The following EPM2A variants were observed in gnomAD, a reference collection of about 807,000 sequenced individuals.
EPM2A encodes the protein EPM2A glucan phosphatase, laforin.
EPM2A carries 21 observed loss-of-function variants against 26.5 expected under a neutral mutation model. The ratio of observed to expected loss-of-function variants is 0.79; its 90% CI spans 0.56 to 1.14. EPM2A has a LOEUF of 1.14. Among genes scored for constraint, EPM2A ranks in the 50% most tolerant of loss-of-function variants. The probability of loss-of-function intolerance (pLI) is 0.00; values close to 1 mark genes in which losing one functional copy is unlikely to be tolerated. For synonymous variants in EPM2A, 217 were observed against 177.6 expected, an observed-to-expected ratio of 1.22 and a Z score of -1.76; for missense variants, 458 against 440.8, an observed-to-expected ratio of 1.04 and a Z score of -0.35.
rs1441185839 is a variant in EPM2A at position 145,664,349 on chromosome 6, C to A, written c.476+21773G>T. Among the ~76,000 whole-genome samples, 3 of 115,984 alleles carry A rather than the reference C, an allele frequency of 2.6e-5. No individual in the cohort carries two copies. The East Asian group carries it at 8.2e-4, about 32-fold the overall frequency. The allele number at this position is 115,984 out of a possible 152,430, so 76.1% of individuals were successfully genotyped here. On this transcript the variant is annotated intron_variant, in intron 2 of 3. Coordinates refer to ENST00000367519, the MANE Select transcript of EPM2A (RefSeq NM_005670.4). Reference sequence around the variant, plus strand: ...CAAGCAAATGGAAAACTAAAAAAGGCAGGGGTTGCAATCCTAGTCTCTGAT... The same window carrying A: ...CAAGCAAATGGAAAACTAAAAAAGGAAGGGGTTGCAATCCTAGTCTCTGAT...
Position 145,625,556 on chromosome 6 carries a change from T to C in EPM2A, c.*1860A>G. The C allele has an allele frequency of 1.6e-6, 1 of 627,762 alleles. No individual in the cohort carries two copies. Among genetic ancestry groups the C allele is most frequent in the Non-Finnish European group, 2.9e-6 (1 of 345,112 alleles). The allele number at this position is 627,762 out of a possible 1,614,324, so 38.9% of individuals were successfully genotyped here. On this transcript the variant is annotated 3_prime_UTR_variant, in exon 4 of 4. Transcript: ENST00000367519. ...AGACCCACATAGTTTAAAAATTTAA[T>C]TTTTAAGATTAAATTTTCACAACAC...
intron 2 of EPM2A, among the ~76,000 whole-genome samples, chr6:145,588,710 A>G (rs1781230691): frequency 6.6e-6 from 1 of 152,340 alleles, no homozygotes; most frequent in Non-Finnish European, 1.5e-5. Flanking sequence ...ACAGTGCAAG[A>G]CGTTGAAGAG....
intron 4 of EPM2A, among the ~76,000 whole-genome samples, chr6:145,397,111 T>G (rs1562319582): frequency 6.6e-6 from 1 of 152,174 alleles, no homozygotes; most frequent in African/African-American, 2.4e-5. Context: ...TTCACTCCCG[T>G]GAGAAAACAT....
At chr6:145,431,273 T>C (rs147651672) in intron 4 of EPM2A, among the ~76,000 whole-genome samples, 1 of 152,316 alleles carries the variant, frequency 6.6e-6, no homozygotes, top group Non-Finnish European at 1.5e-5. Flanking sequence ...GTTATTATAA[T>C]ATTAAGAGTT....
chr6:145,458,252 T>C (rs1300786300), intron 4 of EPM2A, among the ~76,000 whole-genome samples: 2 of 152,328 alleles, frequency 1.3e-5, no homozygotes, highest in East Asian at 1.9e-4. Flanking sequence ...CATGCAATGA[T>C]AAATGTTCCA....
intron 2 of EPM2A, among the ~76,000 whole-genome samples, chr6:145,576,718 A>T (rs1781036736): frequency 1.3e-5 from 2 of 152,226 alleles, no homozygotes; most frequent in South Asian, 4.1e-4. Context: ...ACTCACTGGT[A>T]AAAGTAAGTA....
intron 2 of EPM2A, among the ~76,000 whole-genome samples, chr6:145,615,665 A>C (rs1290039457): frequency 6.6e-6 from 1 of 152,032 alleles, no homozygotes; most frequent in East Asian, 1.9e-4. Context: ...TTTGACCAAA[A>C]TGCTGATAGT....
intron 2 of EPM2A, among the ~76,000 whole-genome samples, chr6:145,667,769 G>A (rs1392590773): frequency 1.5e-5 from 2 of 132,724 alleles, no homozygotes; most frequent in African/African-American, 6.3e-5. Context: ...CAACCCAAAT[G>A]TCCAACAATG....
chr6:145,396,581 T>G (rs376824603), intron 4 of EPM2A, among the ~76,000 whole-genome samples: 10 of 83,812 alleles, frequency 1.2e-4, no homozygotes, highest in Non-Finnish European at 2.9e-4. Context: ...AATGTCTGCC[T>G]TCAGGTACAT....
chr6:145,457,056 G>C (rs1226191431), intron 4 of EPM2A, among the ~76,000 whole-genome samples: 1 of 152,150 alleles, frequency 6.6e-6, no homozygotes, highest in Non-Finnish European at 1.5e-5. Flanking sequence ...AGGTTTATGA[G>C]TTTAACATAT....
intron 2 of EPM2A, among the ~76,000 whole-genome samples, chr6:145,555,894 C>T (rs1293367039): frequency 3.3e-5 from 5 of 152,118 alleles, no homozygotes; most frequent in African/African-American, 1.2e-4. Context: ...CTGATGTAAA[C>T]AACTCAAACT....
chr6:145,444,775 G>A (rs1779109854), intron 4 of EPM2A, among the ~76,000 whole-genome samples: 1 of 151,980 alleles, frequency 6.6e-6, no homozygotes, highest in African/African-American at 2.4e-5. Context: ...GTTTAGAATT[G>A]GACATTTTGA....
At chr6:145,431,465 A>C (rs915893848) in intron 4 of EPM2A, among the ~76,000 whole-genome samples, 2 of 152,260 alleles carry the variant, frequency 1.3e-5, no homozygotes, top group African/African-American at 4.8e-5. Flanking sequence ...ATTGCAATAA[A>C]GTGAGCCACA....
chr6:145,696,267 G>A (rs549086477), intron 1 of EPM2A, among the ~76,000 whole-genome samples: 12 of 152,056 alleles, frequency 7.9e-5, no homozygotes, highest in Non-Finnish European at 1.6e-4. Context: ...ATGAGACACA[G>A]CAAAGGCAAT....
Position 145,679,785 on chromosome 6 carries a change from G to A in EPM2A, c.476+6337C>T, listed in dbSNP as rs1258346159. 2.0e-5 allele frequency among the ~76,000 whole-genome samples: 3 copies of A among 152,092 alleles called. No homozygotes were observed. The East Asian group carries it at 5.8e-4, about 29-fold the overall frequency. On this transcript the variant is annotated intron_variant, in intron 2 of 3. Transcript: ENST00000367519. ...AACATAAAAGATTGGAAAGCATAAT[G>A]GCTTTGACTTCTCAATAGCAACCTT...
chr6:145,627,700 T>G lies in EPM2A; in HGVS notation c.719-7A>C, dbSNP rs548548034. 6.2e-7 allele frequency: 1 copy of G among 1,613,666 alleles called. No individual in the cohort carries two copies. ...GGCAGCATCTGTACTCGGCCTGCGG[T>G]GGGGAAAGCACAGCACACATGTGAA... On this transcript the variant is annotated splice_region_variant and splice_polypyrimidine_tract_variant and intron_variant, in intron 3 of 3. Transcript: ENST00000367519.
intron 4 of EPM2A, among the ~76,000 whole-genome samples, chr6:145,445,874 T>C (rs1317271762): frequency 1.3e-5 from 2 of 152,248 alleles, no homozygotes; most frequent in East Asian, 1.9e-4. Context: ...TTATGCTTAG[T>C]ATAGCAAAAA....
chr6:145,570,142 C>T (rs539984214), intron 2 of EPM2A, among the ~76,000 whole-genome samples: 4 of 152,076 alleles, frequency 2.6e-5, no homozygotes, highest in Admixed American at 6.6e-5. Context: ...TGCCTTTCCC[C>T]GCCCCTGACT....
chr6:145,500,815 CA>C (rs1779879262), downstream of EPM2A, among the ~76,000 whole-genome samples: 1 of 118,360 alleles, frequency 8.4e-6, no homozygotes, highest in African/African-American at 3.2e-5. Flanking sequence ...AAATTGTCTT[CA>C]AAAATTACTT....
Sources: gnomAD v4.1 joint callset for allele counts (sites outside exome capture counted in the v4.1 genomes callset) on GRCh38, gnomAD v4.1.1 for gene constraint, MANE v1.5 for transcripts, NCBI Gene and HGNC (gene_info 2026-07-23, HGNC 2026-07-21) for gene names.